AIG1: variants seen among roughly 807,000 people sequenced by gnomAD.
AIG1 encodes androgen induced 1.
In AIG1, 23 loss-of-function variants were observed where a neutral mutation model predicts 31.4. That is an observed-to-expected ratio of 0.73 (90% CI 0.53 to 1.04). The LOEUF (loss-of-function observed/expected upper bound fraction) is 1.04, where lower values mean the gene tolerates loss of function less well. Ranked by LOEUF, AIG1 falls within the 50% of genes least tolerant of loss-of-function variation. AIG1 has a pLI of 0.00. For synonymous variants in AIG1, 100 were observed against 110.5 expected (o/e 0.90, Z 0.60); for missense variants, 274 against 295.0 (o/e 0.93, Z 0.52).
chr6:143,088,382 T>C lies in AIG1; in HGVS notation c.141+27316T>C, dbSNP rs1028686228. Among the ~76,000 whole-genome samples, 5 of 152,190 alleles carry C rather than the reference T, an allele frequency of 3.3e-5. No individual in the cohort carries two copies. In the East Asian group the frequency reaches 7.7e-4, roughly 23 times the overall value. On this transcript the variant is annotated intron_variant, in intron 1 of 5. Coordinates refer to ENST00000357847, the MANE Select transcript of AIG1 (RefSeq NM_016108.4). ...TCTTCTAAACTATTATGACATATAC[T>C]ATGCCAGAGAAGATTACTTCTGTAT... is the stretch of plus-strand genomic sequence containing the variant.
chr6:143,110,604 G>A (rs943610534), intron 1 of AIG1, among the ~76,000 whole-genome samples: 23 of 152,026 alleles, frequency 1.5e-4, no homozygotes, highest in Non-Finnish European at 1.8e-4. Context: ...CTTCCTTTAC[G>A]GTCACACCCT....
chr6:143,066,164 T>A (rs1311285946), intron 1 of AIG1, among the ~76,000 whole-genome samples: 1 of 152,252 alleles, frequency 6.6e-6, no homozygotes, highest in Non-Finnish European at 1.5e-5. Flanking sequence ...ATCAGGTGAT[T>A]TCTATGCACA....
intron 4 of AIG1, among the ~76,000 whole-genome samples, chr6:143,319,900 A>G (rs1414152318): frequency 6.6e-6 from 1 of 152,208 alleles, no homozygotes; most frequent in African/African-American, 2.4e-5. Flanking sequence ...AAGCTTCTGC[A>G]TAGCAAAACA....
chr6:143,125,730 G>A (rs1288439121), intron 1 of AIG1, among the ~76,000 whole-genome samples: 2 of 152,160 alleles, frequency 1.3e-5, no homozygotes, highest in East Asian at 1.9e-4. Context: ...TTCTTTAGAC[G>A]GTTGTTGTTC....
chr6:143,165,038 G>C (rs1786789652), intron 2 of AIG1, 44 bp from the exon 3 acceptor site: 1 of 1,389,488 alleles, frequency 7.2e-7, no homozygotes, highest in African/African-American at 1.4e-5. Flanking sequence ...GTATGTTGTG[G>C]ATAGTCGATG....
intron 4 of AIG1, among the ~76,000 whole-genome samples, chr6:143,307,631 G>A (rs1799429779): frequency 6.6e-6 from 1 of 152,054 alleles, no homozygotes; most frequent in Admixed American, 6.6e-5. Flanking sequence ...CTCCCAGTTA[G>A]GCTGCTCGGG....
chr6:143,158,962 C>G (rs915210369), intron 2 of AIG1, among the ~76,000 whole-genome samples: 3 of 152,212 alleles, frequency 2.0e-5, no homozygotes, highest in Non-Finnish European at 4.4e-5. Context: ...TTCTCTGATA[C>G]TTCACTTTCT....
In AIG1 at chr6:143,263,659, G is replaced by T. The variant is rs1795962614; in HGVS notation, c.400-20451G>T. Among the ~76,000 whole-genome samples, 4 of 152,190 alleles carry T rather than the reference G, an allele frequency of 2.6e-5. No individual in the cohort carries two copies. The South Asian group carries it at 8.3e-4, about 32-fold the overall frequency. On this transcript the variant is annotated intron_variant, in intron 3 of 5. Transcript: ENST00000357847. ...ATGTGCTCCTTTTAGATTTTTCCAT[G>T]TAATATTTATGAAACTAAATATGAT...
intron 4 of AIG1, among the ~76,000 whole-genome samples, chr6:143,303,231 T>C (rs1447464418): frequency 1.3e-5 from 2 of 151,476 alleles, no homozygotes; most frequent in Non-Finnish European, 3.0e-5. Flanking sequence ...TGAGTTTAAT[T>C]AGATCCCATT....
In AIG1 at chr6:143,333,215, C is replaced by G; in HGVS notation, c.516-67C>G. On this transcript the variant is annotated intron_variant, in intron 4 of 5. Transcript: ENST00000357847. The surrounding 1 kb of genome is among the most constrained non-coding windows in gnomAD (Gnocchi z 4.6). ...AGAGTGAGGGAGTGTATATTTGCAT[C>G]ATAGCAGCTTTGATGCCTGCCATAA... The G allele has an allele frequency of 2.1e-6, 3 of 1,452,906 alleles. No individual in the cohort carries two copies. The highest frequency in any genetic ancestry group is 2.8e-6 in the Non-Finnish European group (3 of 1,089,616). The allele number at this position is 1,452,906 out of a possible 1,614,324, so 90.0% of individuals were successfully genotyped here.
chr6:143,302,206 C>A (rs1008465559), intron 4 of AIG1, among the ~76,000 whole-genome samples: 83 of 145,030 alleles, frequency 5.7e-4, no homozygotes, highest in African/African-American at 7.2e-4. Context: ...TTATTTTTTT[C>A]TTTCTTTTTT....
intron 3 of AIG1, among the ~76,000 whole-genome samples, chr6:143,209,657 G>A (rs535103418): frequency 2.2e-4 from 33 of 152,228 alleles, no homozygotes; most frequent in African/African-American, 7.5e-4. Flanking sequence ...GAGCCCTGAC[G>A]GCTCCCTTGT....
Position 143,284,233 on chromosome 6 carries a change from C to G in AIG1, c.515+8C>G, listed in dbSNP as rs761882561. The G allele has an allele frequency of 6.3e-7, 1 of 1,589,542 alleles. No individual in the cohort carries two copies. Among genetic ancestry groups the G allele is most frequent in the South Asian group, 1.1e-5 (1 of 89,892 alleles). ...TGTTGGCTATATATTATGGTAAGGA[C>G]CATGCCTGCTGGGCTTTCTTATTGT... On this transcript the variant is annotated splice_region_variant and intron_variant, in intron 4 of 5. Coordinates refer to ENST00000357847, the MANE Select transcript of AIG1 (RefSeq NM_016108.4). This position sits in a 1 kb window ranked among gnomAD's most constrained non-coding sequence, Gnocchi z 4.4.
In AIG1 at chr6:143,268,621, C is replaced by T. The variant is rs1796309774; in HGVS notation, c.400-15489C>T. On this transcript the variant is annotated intron_variant, in intron 3 of 5. Coordinates refer to ENST00000357847, the MANE Select transcript of AIG1 (RefSeq NM_016108.4). The surrounding 1 kb of genome is among the most constrained non-coding windows in gnomAD (Gnocchi z 5.0). ...CTTGTTTCATAAGAACACTAAGTCC[C>T]TGTAAGTGCCAATGTCAGCAGATTC... is the stretch of plus-strand genomic sequence containing the variant. Among the ~76,000 whole-genome samples, 1 of 152,164 alleles carries T rather than the reference C, an allele frequency of 6.6e-6. No individual in the cohort carries two copies. Among genetic ancestry groups the T allele is most frequent in the Admixed American group, 6.5e-5 (1 of 15,276 alleles).
At chr6:143,209,849 A>G (rs1791448060) in intron 3 of AIG1, among the ~76,000 whole-genome samples, 1 of 152,124 alleles carries the variant, frequency 6.6e-6, no homozygotes, top group African/African-American at 2.4e-5. Context: ...TAGCTTGCTT[A>G]TTTCTTACCA....
At chr6:143,146,386 G>A (rs780401602) in intron 2 of AIG1, among the ~76,000 whole-genome samples, 2 of 152,110 alleles carry the variant, frequency 1.3e-5, no homozygotes, top group Non-Finnish European at 2.9e-5. Flanking sequence ...ATATGCCCTT[G>A]TTTTGGGGAC....
At chr6:143,075,371 G>A (rs2128464541) in intron 1 of AIG1, among the ~76,000 whole-genome samples, 1 of 152,196 alleles carries the variant, frequency 6.6e-6, no homozygotes, top group East Asian at 1.9e-4. Flanking sequence ...AGGCTGGAGT[G>A]CAGCTCACTG....
chr6:143,264,840 T>C (rs993103716), intron 3 of AIG1, among the ~76,000 whole-genome samples: 2 of 152,224 alleles, frequency 1.3e-5, no homozygotes, highest in African/African-American at 4.8e-5. Flanking sequence ...GCAAGTCTTA[T>C]TATAGGCTTG....
chr6:143,266,396 G>A (rs949866659), intron 3 of AIG1, among the ~76,000 whole-genome samples: 1 of 151,312 alleles, frequency 6.6e-6, no homozygotes, highest in African/African-American at 2.4e-5. Flanking sequence ...CATTGCAGGT[G>A]TTAAATGGAA....
Sources: allele counts gnomAD v4.1 joint callset (sites outside exome capture counted in the v4.1 genomes callset), GRCh38; gene constraint gnomAD v4.1.1; non-coding constraint Gnocchi (gnomAD v3.1); transcripts MANE v1.5; gene names NCBI Gene and HGNC (gene_info 2026-07-23, HGNC 2026-07-21).